Variants in SLC25A6 observed in about 807,000 individuals in gnomAD.
SLC25A6 encodes the protein solute carrier family 25 member 6.
SLC25A6 carries 9 observed loss-of-function variants against 25.7 expected under a neutral mutation model. That is an observed-to-expected ratio of 0.35 (90% CI 0.21 to 0.61). The LOEUF (loss-of-function observed/expected upper bound fraction) is 0.61. Among genes scored for constraint, SLC25A6 ranks in the 20% least tolerant of loss-of-function variants. The pLI is 0.76. For missense variants in SLC25A6, 404 were observed against 440.5 expected, an observed-to-expected ratio of 0.92 and a Z score of 0.74; for synonymous variants, 223 against 197.0, an observed-to-expected ratio of 1.13 and a Z score of -1.11.
chrX:1,387,166 G>T, intron 3 of SLC25A6, 113 bp downstream of exon 3: 1 of 1,329,442 alleles, frequency 7.5e-7, no homozygotes, highest in Non-Finnish European at 1.0e-6. Flanking sequence ...ACACTTGCTT[G>T]TCTCACACGC....
chrX:1,387,256 G>A, intron 3 of SLC25A6, 23 bp downstream of exon 3: 1 of 1,608,030 alleles, frequency 6.2e-7, no homozygotes, highest in Non-Finnish European at 8.5e-7. Flanking sequence ...CCGGCAGCAA[G>A]GGTCCCCCGC....
intron 2 of SLC25A6, among the ~76,000 whole-genome samples, chrX:1,388,355 A>T (rs1384784478): frequency 6.6e-6 from 1 of 151,044 alleles, no homozygotes; most frequent in Non-Finnish European, 1.5e-5. Flanking sequence ...TCAGAAGAGG[A>T]CACGAGGACA....
chrX:1,387,306 T>A lies in SLC25A6; in HGVS notation c.712A>T (p.Met238Leu). 1 of 1,612,940 alleles carries A rather than the reference T, an allele frequency of 6.2e-7. No homozygotes were observed. The highest frequency in any genetic ancestry group is 1.1e-5 in the South Asian group (1 of 91,028). ...CCTTTGCGCCCGGACTGCATCATCA[T>A]GCGCCGCCGCACCGTGTCGAAGGGG... Reference protein sequence around the residue: ...SYPFDTVRRRMMMQSGRKGAD... With the variant: ...SYPFDTVRRRLMMQSGRKGAD... Residue 238 changes from methionine (M) to leucine (L), a missense_variant, in exon 3 of 4, where the codon ATG (methionine) becomes TTG (leucine). By Grantham distance (15) the Met-to-Leu change is conservative (BLOSUM62 2). Transcript: ENST00000381401.
chrX:1,389,115 G>A, intron 2 of SLC25A6, 126 bp downstream of exon 2: 3 of 1,035,768 alleles, frequency 2.9e-6, no homozygotes, highest in East Asian at 2.6e-5. Context: ...CCAAGTCCAG[G>A]AGAGAGGCCG....
intron 3 of SLC25A6, 74 bp from the exon 4 acceptor site, chrX:1,386,833 A>G: frequency 6.6e-6 from 10 of 1,515,494 alleles, no homozygotes; most frequent in East Asian, 2.4e-5. Context: ...GCACCCACAA[A>G]GACGTTTCAC....
chrX:1,386,859 G>C, intron 3 of SLC25A6, 100 bp from the exon 4 acceptor site: 2 of 1,381,482 alleles, frequency 1.4e-6, no homozygotes, highest in South Asian at 2.7e-5. Context: ...TAACACCCCA[G>C]ACGCCTGAGC....
At position 1,386,664 on chromosome X, in the gene SLC25A6, G is replaced by A. The variant is rs1165754401; in HGVS notation, c.835C>T (p.Leu279=). Residue 279 remains leucine (L), a synonymous_variant, in exon 4 of 4, where the codon CTG becomes TTG. Transcript: ENST00000381401. The part of the protein sequence containing the change: ...AFFKGAWSNV[L]RGMGGAFVLV... ...ACGAAGGCGCCCCCCATGCCCCGCAGGACGTTGGACCACGCACCCTTGAAG... is the reference window on the plus strand; with the variant it reads ...ACGAAGGCGCCCCCCATGCCCCGCAAGACGTTGGACCACGCACCCTTGAAG... 3 of 1,611,822 alleles carry A rather than the reference G, an allele frequency of 1.9e-6. No individual in the cohort carries two copies. Among genetic ancestry groups the A allele is most frequent in the Middle Eastern group, 1.7e-4 (1 of 6,034 alleles).
chrX:1,390,370 G>A (rs780469302), intron 1 of SLC25A6: 150 of 154,530 alleles, frequency 9.7e-4, no homozygotes, highest in Non-Finnish European at 1.4e-3. Context: ...GGCTGAGGTG[G>A]GTGGATCACG....
intron 3 of SLC25A6, 72 bp downstream of exon 3, chrX:1,387,207 C>A: frequency 6.4e-7 from 1 of 1,572,320 alleles, no homozygotes; most frequent in Non-Finnish European, 8.7e-7. Context: ...TGGTTCCTGA[C>A]CTCCCACGGG....
intron 1 of SLC25A6, chrX:1,390,053 C>A: frequency 2.3e-6 from 1 of 428,326 alleles, no homozygotes; most frequent in Non-Finnish European, 4.2e-6. Context: ...ATGCTGTTAC[C>A]CGGGTTTGAG....
rs745620208 is a variant in SLC25A6, at chrX:1,391,880, G to GCCGCGC, written c.111+13_111+18dup. 1.3e-6 allele frequency: 2 copies of GCCGCGC among 1,569,260 alleles called. No individual in the cohort carries two copies. Among genetic ancestry groups the GCCGCGC allele is most frequent in the Admixed American group, 1.9e-5 (1 of 53,886 alleles). ...TTCCCGTCCCCTAGTCCCCGGAGCG[G>GCCGCGC]CCGCGCCCGCGTCCCCACCTGCAGC... On this transcript the variant is annotated intron_variant, in intron 1 of 3. Transcript: ENST00000381401.
chrX:1,392,074 G>C lies in SLC25A6; in HGVS notation c.-65C>G. On this transcript the variant is annotated 5_prime_UTR_variant, in exon 1 of 4. Coordinates refer to ENST00000381401, the MANE Select transcript of SLC25A6 (RefSeq NM_001636.4). The stretch of plus-strand genomic sequence containing the variant: ...AACGGGCGCGGAGAGTGAATGGAGG[G>C]CGTCGCTGGCTCAGCCCTGCCGCCG... 2 of 1,241,388 alleles carry C rather than the reference G, an allele frequency of 1.6e-6. No individual in the cohort carries two copies. The highest frequency in any genetic ancestry group is 1.3e-5 in the South Asian group (1 of 77,502). 76.9% of individuals were successfully genotyped at this position (1,241,388 alleles called of 1,614,324 possible).
At chrX:1,391,810 T>A (rs1223276269) in intron 1 of SLC25A6, 89 bp downstream of exon 1, 2 of 1,032,916 alleles carry the variant, frequency 1.9e-6, no homozygotes, top group Non-Finnish European at 2.8e-6. Flanking sequence ...GGCGCCCGCC[T>A]GCAAGGCTCT....
intron 2 of SLC25A6, among the ~76,000 whole-genome samples, chrX:1,388,639 A>C (rs2089359251): frequency 6.6e-6 from 1 of 151,704 alleles, no homozygotes; most frequent in South Asian, 2.1e-4. Context: ...AGCATCTCCA[A>C]GCCCAGGAGA....
rs2089423230 is a variant in SLC25A6, at chrX:1,392,102, T to G, written c.-93A>C. ...TCGCTGGCTCAGCCCTGCCGCCGCC[T>G]GGACCGAAAGGACGGAGCAGCCACC... On this transcript the variant is annotated 5_prime_UTR_variant, in exon 1 of 4. Coordinates refer to ENST00000381401, the MANE Select transcript of SLC25A6 (RefSeq NM_001636.4). 1.1e-6 allele frequency: 1 copy of G among 938,250 alleles called. No homozygotes were observed. The highest frequency in any genetic ancestry group is 1.7e-6 in the Non-Finnish European group (1 of 605,076). 58.1% of individuals were successfully genotyped at this position (938,250 alleles called of 1,614,324 possible).
At chrX:1,386,919 C>T (rs2089332959) in intron 3 of SLC25A6, among the ~76,000 whole-genome samples, 160 bp from the exon 4 acceptor site, 2 of 152,116 alleles carry the variant, frequency 1.3e-5, no homozygotes, top group Admixed American at 6.6e-5. Flanking sequence ...AGCTCAAGCC[C>T]TCCTCCTAAG....
At position 1,386,762 on chromosome X, in the gene SLC25A6, G is replaced by C; in HGVS notation, c.740-3C>G. On this transcript the variant is annotated splice_polypyrimidine_tract_variant and splice_region_variant and intron_variant, in intron 3 of 3. Transcript: ENST00000381401. ...GGTGCCCGTGTACATGATGTCAGCT[G>C]CAACGACAGGGAGACAGTGAGGGCC... 1 of 1,602,252 alleles carries C rather than the reference G, an allele frequency of 6.2e-7. No homozygotes were observed. The highest frequency in any genetic ancestry group is 8.5e-7 in the Non-Finnish European group (1 of 1,175,032).
In SLC25A6 at chrX:1,386,655, T is replaced by A. The variant is rs750440969; in HGVS notation, c.844A>T (p.Met282Leu). 1.2e-6 allele frequency: 2 copies of A among 1,605,798 alleles called. No homozygotes were observed. The highest frequency in any genetic ancestry group is 1.7e-6 in the Non-Finnish European group (2 of 1,176,006). Residue 282 changes from methionine to leucine, a missense_variant, in exon 4 of 4, where the codon ATG (methionine) becomes TTG (leucine). Transcript: ENST00000381401. ...AGGACCAGCACGAAGGCGCCCCCCA[T>A]GCCCCGCAGGACGTTGGACCACGCA... ...KGAWSNVLRG[M>L]GGAFVLVLYD...
Position 1,391,979 on chromosome X carries a change from C to T in SLC25A6, c.31G>A (p.Asp11Asn). 1.2e-6 allele frequency: 2 copies of T among 1,609,436 alleles called. No individual in the cohort carries two copies. The highest frequency in any genetic ancestry group is 1.7e-6 in the Non-Finnish European group (2 of 1,178,840). MTEQAISFAK[D>N]FLAGGIAAAI... ...GCGGCGATGCCTCCGGCCAAGAAGTCTTTGGCGAAGGAGATGGCCTGTTCC... is the reference window on the plus strand; with the variant it reads ...GCGGCGATGCCTCCGGCCAAGAAGTTTTTGGCGAAGGAGATGGCCTGTTCC... The change falls in exon 1 of 4, where the codon GAC (aspartate) becomes AAC (asparagine). Residue 11 changes from aspartate (D) to asparagine (N), a missense_variant. Physicochemically the swap from Asp to Asn is conservative, Grantham distance 23. Transcript: ENST00000381401.
Sources: allele counts gnomAD v4.1 joint callset (sites outside exome capture counted in the v4.1 genomes callset), GRCh38; gene constraint gnomAD v4.1.1; transcripts MANE v1.5; gene names NCBI Gene and HGNC (gene_info 2026-07-23, HGNC 2026-07-21).